Variants in MARF1 observed in about 807,000 individuals in gnomAD.
The protein encoded by MARF1 is limkain-b1.
A neutral mutation model predicts 168.2 loss-of-function variants in MARF1; 24 were observed. That is an observed-to-expected ratio of 0.14 (90% CI 0.10 to 0.20). MARF1 has a LOEUF of 0.20. Among genes scored for constraint, MARF1 ranks in the 10% least tolerant of loss-of-function variants. MARF1 has a pLI of 1.00. For synonymous variants in MARF1, 868 were observed against 822.4 expected (o/e 1.06, Z -0.95); for missense variants, 1,744 against 2,143.6 (o/e 0.81, Z 3.68).
chr16:15,608,388 G>C lies in MARF1; in HGVS notation c.4085C>G (p.Thr1362Arg). Residue 1362 changes from threonine to arginine, a missense_variant, in exon 21 of 27, where the codon ACA becomes AGA. Thr to Arg is a moderately conservative substitution (Grantham distance 71, BLOSUM62 -1). Transcript: ENST00000396368. ...DNCLMMTDLL[T>R]EYAKTFGYTF... ...ATAACCAAAAGTTTTAGCATATTCT[G>C]TAAGGAGATCTGTCATCATAAGGCA... The C allele has an allele frequency of 1.2e-6, 2 of 1,613,634 alleles. No individual in the cohort carries two copies. Among genetic ancestry groups the C allele is most frequent in the Non-Finnish European group, 1.7e-6 (2 of 1,179,798 alleles).
In MARF1 at chr16:15,636,328, C is replaced by G. The variant is rs1415660146; in HGVS notation, c.159G>C (p.Glu53Asp). ...TTAGTTCCACAGCAACTTTCTTGTT[C>G]TCCATGTACTCTTTCTGAGAAAAGA... ...PHSPQTKEYM[E>D]NKKVAVELKD... The change falls in exon 3 of 27, where the codon GAG (glutamate) becomes GAC (aspartate). Residue 53 changes from glutamate (E) to aspartate (D), a missense_variant. Transcript: ENST00000396368. 6.5e-7 allele frequency: 1 copy of G among 1,540,382 alleles called. No homozygotes were observed. The highest frequency in any genetic ancestry group is 1.4e-5 in the African/African-American group (1 of 72,096).
chr16:15,601,864 T>C, intron 23 of MARF1, 127 bp downstream of exon 23: 1 of 786,928 alleles, frequency 1.3e-6, no homozygotes, highest in Non-Finnish European at 2.2e-6. Context: ...CAACAGTATG[T>C]TTTGAAAGGA....
chr16:15,602,331 CGAAGATGA>C (rs1362390431), intron 22 of MARF1, 128 bp from the exon 23 acceptor site: 1 of 710,818 alleles, frequency 1.4e-6, no homozygotes, highest in Non-Finnish European at 2.4e-6. Flanking sequence ...AAGAAGGCAA[CGAAGATGA>C]GAAGATGAAG....
At chr16:15,616,169 C>T (rs559001922) in intron 15 of MARF1, among the ~76,000 whole-genome samples, 164 bp from the exon 16 acceptor site, 1 of 152,194 alleles carries the variant, frequency 6.6e-6, no homozygotes, top group African/African-American at 2.4e-5. Flanking sequence ...GGGAGGCAAG[C>T]ACTGAGGCAC....
In MARF1 at chr16:15,631,442, C is replaced by A. The variant is rs1218283089; in HGVS notation, c.1290G>T (p.Arg430=). 1 of 1,613,246 alleles carries A rather than the reference C, an allele frequency of 6.2e-7. No individual in the cohort carries two copies. The highest frequency in any genetic ancestry group is 1.3e-5 in the African/African-American group (1 of 74,910). ...TAKNAADDKL[R]QSLRRFANTH... The stretch of plus-strand genomic sequence containing the variant: ...TATTTGCAAATCTGCGGAGACTCTG[C>A]CGCAGTTTATCATCAGCGGCATTCT... The change falls in exon 6 of 27, where the codon CGG becomes CGT. Residue 430 remains arginine, a synonymous_variant. Transcript: ENST00000396368.
At chr16:15,618,440 A>T (rs1596472234) in intron 13 of MARF1, among the ~76,000 whole-genome samples, 1 of 151,768 alleles carries the variant, frequency 6.6e-6, no homozygotes, top group South Asian at 2.1e-4. Context: ...CTGCTGTGTT[A>T]CCCCCGAGTC....
At chr16:15,600,774 G>A in intron 23 of MARF1, 73 bp from the exon 24 acceptor site, 1 of 1,502,102 alleles carries the variant, frequency 6.7e-7, no homozygotes, top group South Asian at 1.1e-5. Flanking sequence ...CAGGAAGAGT[G>A]TGACCTACGG....
intron 10 of MARF1, among the ~76,000 whole-genome samples, chr16:15,623,382 C>CA (rs1242112708): frequency 7.1e-6 from 1 of 140,568 alleles, no homozygotes; most frequent in Non-Finnish European, 1.5e-5. Flanking sequence ...TGGATTCAAG[C>CA]AATTCTCCTG....
rs747484471 is a variant in MARF1, at chr16:15,635,826, C to G, written c.661G>C (p.Ala221Pro). 5.0e-6 allele frequency: 8 copies of G among 1,614,042 alleles called. No individual in the cohort carries two copies. The highest frequency in any genetic ancestry group is 8.5e-7 in the Non-Finnish European group (1 of 1,180,026). Reference protein sequence around the residue: ...QFPSLQGCTSAGYFPCSDFTS... With the variant: ...QFPSLQGCTSPGYFPCSDFTS... ...AAATCAGAACAGGGGAAATAGCCAGCGGAGGTGCAGCCCTGCAGACTCGGA... is the reference window on the plus strand; with the variant it reads ...AAATCAGAACAGGGGAAATAGCCAGGGGAGGTGCAGCCCTGCAGACTCGGA... The change falls in exon 3 of 27, where the codon GCT (alanine) becomes CCT (proline). Residue 221 changes from alanine to proline, a missense_variant. Physicochemically the swap from Ala to Pro is conservative, Grantham distance 27. This residue lies in a region of MARF1 where 318 missense variants were observed against 336.6 expected (regional missense o/e 0.94). Coordinates refer to ENST00000396368, the MANE Select transcript of MARF1 (RefSeq NM_014647.4).
chr16:15,635,398 T>G (rs2035519136), intron 3 of MARF1: 1 of 501,798 alleles, frequency 2.0e-6, no homozygotes, highest in African/African-American at 1.9e-5. Flanking sequence ...ACACGAAGGC[T>G]TTGCCAACCT....
chr16:15,614,220 C>T (rs558778102), intron 16 of MARF1, among the ~76,000 whole-genome samples: 3 of 151,908 alleles, frequency 2.0e-5, no homozygotes, highest in East Asian at 1.9e-4. Flanking sequence ...CGGTGGCTCA[C>T]GTCTGTAATC....
chr16:15,626,573 C>T (rs2034859533), intron 7 of MARF1, among the ~76,000 whole-genome samples: 1 of 152,134 alleles, frequency 6.6e-6, no homozygotes, highest in Admixed American at 6.5e-5. Context: ...GCCTGTTCAG[C>T]TTCAACAGCA....
At chr16:15,619,633 C>T (rs1394783539) in intron 13 of MARF1, among the ~76,000 whole-genome samples, 1 of 152,190 alleles carries the variant, frequency 6.6e-6, no homozygotes, top group Non-Finnish European at 1.5e-5. Context: ...AATCAGTTTT[C>T]TTCACTGTCC....
chr16:15,608,650 T>C (rs2033242777), intron 20 of MARF1, 132 bp from the exon 21 acceptor site: 4 of 649,584 alleles, frequency 6.2e-6, no homozygotes, highest in Non-Finnish European at 1.1e-5. Context: ...GTTTCAGTTG[T>C]GTAAGATGAA....
chr16:15,630,888 T>G (rs1443089394), intron 6 of MARF1, among the ~76,000 whole-genome samples: 2 of 151,664 alleles, frequency 1.3e-5, no homozygotes, highest in Non-Finnish European at 2.9e-5. Context: ...CCCAGCACTT[T>G]GGGAGGCCGA....
intron 11 of MARF1, among the ~76,000 whole-genome samples, chr16:15,622,268 T>G: frequency 6.6e-6 from 1 of 152,116 alleles, no homozygotes; most frequent in East Asian, 1.9e-4. Context: ...AAATTGCACC[T>G]AAAAAATGAG....
intron 7 of MARF1, among the ~76,000 whole-genome samples, chr16:15,626,758 G>C (rs2034874266): frequency 6.6e-6 from 1 of 151,648 alleles, no homozygotes; most frequent in Non-Finnish European, 1.5e-5. Context: ...TCAAGAGTTG[G>C]CGACCAGCCT....
Position 15,617,480 on chromosome 16 carries a change from T to C in MARF1, c.2776A>G (p.Ile926Val). Residue 926 changes from isoleucine to valine, a missense_variant, in exon 14 of 27, where the codon ATC (isoleucine) becomes GTC (valine). This residue lies in a region of MARF1 where 543 missense variants were observed against 742.1 expected (regional missense o/e 0.73). Transcript: ENST00000396368. Reference protein sequence around the residue: ...DLYKLTDTVAIREQGNGRLVC... With the variant: ...DLYKLTDTVAVREQGNGRLVC... ...AGCCGTCCGTTTCCTTGTTCACGGA[T>C]TGCGACCGTGTCTGTTAATTTATAT... is the stretch of plus-strand genomic sequence containing the variant. The C allele has an allele frequency of 6.2e-7, 1 of 1,613,890 alleles. No individual in the cohort carries two copies. The highest frequency in any genetic ancestry group is 8.5e-7 in the Non-Finnish European group (1 of 1,180,030).
chr16:15,596,958 A>G (rs1469100203), intron 26 of MARF1, 21 bp from the exon 27 acceptor site: 2 of 1,583,714 alleles, frequency 1.3e-6, no homozygotes, highest in Non-Finnish European at 1.7e-6. Flanking sequence ...AGAAAAGCAA[A>G]CAGATTCAGA....
Sources: allele counts gnomAD v4.1 joint callset (sites outside exome capture counted in the v4.1 genomes callset), GRCh38; gene constraint gnomAD v4.1.1; regional missense constraint gnomAD v4.1.1; transcripts MANE v1.5; gene names NCBI Gene and HGNC (gene_info 2026-07-23, HGNC 2026-07-21).